The following SRRT variants were observed in gnomAD, a reference collection of about 807,000 sequenced individuals.
SRRT encodes the protein serrate, RNA effector molecule.
Under a neutral mutation model 103.2 loss-of-function variants are expected in SRRT, and 32 were observed. The ratio of observed to expected loss-of-function variants is 0.31; its 90% CI spans 0.23 to 0.42. The LOEUF (loss-of-function observed/expected upper bound fraction) is 0.42, where lower values mean the gene tolerates loss of function less well. SRRT is among the 10% of genes least tolerant of loss of function. The pLI is 1.00. For missense variants in SRRT, 986 were observed against 1,207.5 expected, an observed-to-expected ratio of 0.82 and a Z score of 2.72; for synonymous variants, 525 against 449.0, an observed-to-expected ratio of 1.17 and a Z score of -2.14.
intron 5 of SRRT, among the ~76,000 whole-genome samples, chr7:100,883,267 C>G (rs1789747749): frequency 6.6e-6 from 1 of 152,196 alleles, no homozygotes; most frequent in South Asian, 2.1e-4. Context: ...CACCTTCTTC[C>G]CTGTTGGTTT....
Position 100,884,395 on chromosome 7 carries a change from A to AGAATGATCTT in SRRT, c.786_795dup (p.Arg266GlufsTer2). On this transcript the variant is annotated frameshift_variant, in exon 7 of 20. Transcript: ENST00000611405. LOFTEE classifies it high-confidence loss of function. ...GTGATTAAGATGGAAGGAGGCACGGAGAATGATCTTCGCATCCTGGAGCAG... is the reference window on the plus strand; with the variant it reads ...GTGATTAAGATGGAAGGAGGCACGGAGAATGATCTTGAATGATCTTCGCATCCTGGAGCAG... The AGAATGATCTT allele has an allele frequency of 6.2e-7, 1 of 1,613,700 alleles. No individual in the cohort carries two copies. Among genetic ancestry groups the AGAATGATCTT allele is most frequent in the Non-Finnish European group, 8.5e-7 (1 of 1,179,878 alleles).
Position 100,884,845 on chromosome 7 carries a change from T to C in SRRT, c.1041+7T>C. On this transcript the variant is annotated splice_region_variant and intron_variant, in intron 8 of 19. Coordinates refer to ENST00000611405, the MANE Select transcript of SRRT (RefSeq NM_015908.6). ...CGAGAAGGAAGCCAAAAAGGTGAGGTGTCTGTGGCCTGGGGTCAGAGTGTT... is the reference window on the plus strand; with the variant it reads ...CGAGAAGGAAGCCAAAAAGGTGAGGCGTCTGTGGCCTGGGGTCAGAGTGTT... 6.2e-7 allele frequency: 1 copy of C among 1,612,406 alleles called. No homozygotes were observed. The highest frequency in any genetic ancestry group is 8.5e-7 in the Non-Finnish European group (1 of 1,179,384).
In SRRT at chr7:100,886,806, G is replaced by T; in HGVS notation, c.1659G>T (p.Ser553=). 8.7e-6 allele frequency: 14 copies of T among 1,614,020 alleles called. No homozygotes were observed. Among genetic ancestry groups the T allele is most frequent in the African/African-American group, 1.3e-5 (1 of 74,994 alleles). Residue 553 remains serine, a synonymous_variant, in exon 14 of 20, where the codon TCG becomes TCT. Transcript: ENST00000611405. The stretch of plus-strand genomic sequence containing the variant: ...CTTCCTCCCATCAGAGCCTGCCCTC[G>T]CAAAACCCGATCTTGAAGAATATCA... ...GTPPLPTSLP[S]QNPILKNITD...
intron 2 of SRRT, among the ~76,000 whole-genome samples, chr7:100,876,713 C>G (rs951896653): frequency 3.9e-5 from 6 of 152,050 alleles, no homozygotes; most frequent in African/African-American, 1.4e-4. Flanking sequence ...CATGGGGGAT[C>G]AGAATGGCAG....
chr7:100,880,284 T>C (rs1444399048), intron 2 of SRRT, among the ~76,000 whole-genome samples: 1 of 152,142 alleles, frequency 6.6e-6, no homozygotes, highest in Non-Finnish European at 1.5e-5. Flanking sequence ...AGTGGTGGGA[T>C]GAATAGGCTT....
rs941779851 is a variant in SRRT, at chr7:100,881,340, C to T, written c.178C>T (p.Arg60Trp). 1.4e-5 allele frequency: 22 copies of T among 1,613,522 alleles called. No homozygotes were observed. Among genetic ancestry groups the T allele is most frequent in the Admixed American group, 3.3e-5 (2 of 59,982 alleles). The change falls in exon 3 of 20, where the codon CGG becomes TGG. Residue 60 changes from arginine (R) to tryptophan (W), a missense_variant. By Grantham distance (101) the Arg-to-Trp change is moderately radical. Transcript: ENST00000611405. ...TCGGGGTGAATATCGGGACTATGAC[C>T]GGAATCGGCGAGAGCGCTTCTCGCC... Reference protein sequence around the residue: ...RSRGEYRDYDRNRRERFSPPR... With the variant: ...RSRGEYRDYDWNRRERFSPPR...
intron 4 of SRRT, 97 bp downstream of exon 4, chr7:100,881,902 C>T: frequency 1.3e-6 from 2 of 1,488,478 alleles, no homozygotes; most frequent in South Asian, 2.6e-5. Context: ...GTCAGGCACA[C>T]AGAGGCATGT....
chr7:100,875,681 GAA>G lies in SRRT; in HGVS notation c.93_94del (p.Arg32ThrfsTer8). 6.2e-7 allele frequency: 1 copy of G among 1,614,126 alleles called. No homozygotes were observed. The highest frequency in any genetic ancestry group is 8.5e-7 in the Non-Finnish European group (1 of 1,179,980). ...SDYDRSRERD[E>X]RRRGDDWNDR... ...CTACGACCGTTCCCGCGAGAGAGAT[GAA>G]AGACGTCGAGGGGACGATTGGAATG... On this transcript the variant is annotated frameshift_variant, in exon 2 of 20. Transcript: ENST00000611405. LOFTEE classifies it high-confidence loss of function.
chr7:100,884,515 C>T lies in SRRT; in HGVS notation c.905C>T (p.Thr302Ile), dbSNP rs780280009. The change falls in exon 7 of 20, where the codon ACC (threonine) becomes ATC (isoleucine). Residue 302 changes from threonine (T) to isoleucine (I), a missense_variant. Transcript: ENST00000611405. ...GGCCTAGGGGACGGGGAGCGCAAAA[C>T]CAACGACAAGGATGAGAAGAAGGAA... ...GAGLGDGERKTNDKDEKKEDG... is the reference protein window; with the variant it reads ...GAGLGDGERKINDKDEKKEDG... 3 of 1,612,896 alleles carry T rather than the reference C, an allele frequency of 1.9e-6. No homozygotes were observed. The highest frequency in any genetic ancestry group is 2.5e-6 in the Non-Finnish European group (3 of 1,179,692).
intron 1 of SRRT, 73 bp from the exon 2 acceptor site, chr7:100,875,500 C>G (rs557511623): frequency 4.3e-5 from 68 of 1,581,788 alleles, no homozygotes; most frequent in African/African-American, 1.5e-4. Flanking sequence ...AGCGGGCGAG[C>G]TGCCCGCGAG....
At chr7:100,879,948 A>C (rs1405306046) in intron 2 of SRRT, among the ~76,000 whole-genome samples, 5 of 152,326 alleles carry the variant, frequency 3.3e-5, no homozygotes, top group Non-Finnish European at 5.9e-5. Flanking sequence ...TTAAAACAAT[A>C]GTGTTGCTTA....
In SRRT at chr7:100,887,219, T is replaced by C; in HGVS notation, c.1975+19T>C. 3 of 1,613,908 alleles carry C rather than the reference T, an allele frequency of 1.9e-6. No homozygotes were observed. Among genetic ancestry groups the C allele is most frequent in the Non-Finnish European group, 8.5e-7 (1 of 1,179,830 alleles). On this transcript the variant is annotated intron_variant, in intron 15 of 19. Coordinates refer to ENST00000611405, the MANE Select transcript of SRRT (RefSeq NM_015908.6). This position sits in a 1 kb window ranked among gnomAD's most constrained non-coding sequence, Gnocchi z 4.1. ...GGGGAAGGTGAGCTCCAGGTTCCCC[T>C]TTGTTCCCGGCTGCCCCTGGCCTTG...
rs114922826 is a variant in SRRT at position 100,888,628 on chromosome 7, G to A, written c.*79G>A. The A allele has an allele frequency of 3.0e-5, 48 of 1,577,218 alleles. No individual in the cohort carries two copies. Among genetic ancestry groups the A allele is most frequent in the Middle Eastern group, 1.7e-4 (1 of 6,012 alleles). ...ATGAAGCTCTGAGAATTTTTTGTAC[G>A]ATCAGCCTTACTGCTAATAAAAGCA... is the stretch of plus-strand genomic sequence containing the variant. On this transcript the variant is annotated 3_prime_UTR_variant, in exon 20 of 20. Coordinates refer to ENST00000611405, the MANE Select transcript of SRRT (RefSeq NM_015908.6).
At position 100,886,422 on chromosome 7, in the gene SRRT, C is replaced by T. The variant is rs147945684; in HGVS notation, c.1634C>T (p.Pro545Leu). Residue 545 changes from proline to leucine, a missense_variant, in exon 13 of 20, where the codon CCT becomes CTT. Physicochemically the swap from Pro to Leu is moderately conservative, Grantham distance 98. Transcript: ENST00000611405. Reference sequence around the variant, plus strand: ...CTTTGGGCCTCAGAACCAGGGACGCCTCCCCTGCCCACGGTCAGTGACTCC... The same window carrying T: ...CTTTGGGCCTCAGAACCAGGGACGCTTCCCCTGCCCACGGTCAGTGACTCC... ...TQLWASEPGT[P>L]PLPTSLPSQN... The T allele has an allele frequency of 1.0e-4, 164 of 1,612,184 alleles. No homozygotes were observed. Among genetic ancestry groups the T allele is most frequent in the Non-Finnish European group, 1.3e-4 (154 of 1,179,666 alleles).
chr7:100,888,312 G>A lies in SRRT; in HGVS notation c.2484G>A (p.Pro828=), dbSNP rs148451475. ...PTGGPPYPHA[P]YGAGRGNYDA... is the part of the protein sequence containing the mutation. ...GAGGCCCTCCATACCCCCATGCCCC[G>A]TATGGTGCTGGTCGAGGGAACTATG... Residue 828 remains proline, a synonymous_variant, in exon 19 of 20, where the codon CCG becomes CCA. Transcript: ENST00000611405. 21 of 1,613,964 alleles carry A rather than the reference G, an allele frequency of 1.3e-5. No individual in the cohort carries two copies. The highest frequency in any genetic ancestry group is 1.5e-5 in the Non-Finnish European group (18 of 1,179,958).
chr7:100,875,256 C>T lies in SRRT; in HGVS notation c.-91C>T. The T allele has an allele frequency of 2.0e-6, 1 of 499,480 alleles. No homozygotes were observed. The highest frequency in any genetic ancestry group is 2.9e-6 in the Non-Finnish European group (1 of 343,450). 30.9% of individuals were successfully genotyped at this position (499,480 alleles called of 1,614,324 possible). A position where few individuals can be genotyped will look rare whatever the true frequency, so the allele number is the denominator to read the frequency against. On this transcript the variant is annotated 5_prime_UTR_variant, in exon 1 of 20. Transcript: ENST00000611405. ...CTCGCCCTCCTCGAAGTCCTCGTCG[C>T]GCGCCCGCGACCCAGGTCGCCCTGA...
intron 4 of SRRT, 75 bp from the exon 5 acceptor site, chr7:100,881,978 C>T (rs1431499489): frequency 6.5e-7 from 1 of 1,530,622 alleles, no homozygotes; most frequent in Non-Finnish European, 8.8e-7. Flanking sequence ...AGTAAAGGGG[C>T]CCCAGCTACT....
chr7:100,886,946 A>G lies in SRRT; in HGVS notation c.1799A>G (p.Glu600Gly). ...GGGAACCCGGCAGAGATCAACGTGGAGCGGGATGAGAAGTTGATTAAGGTG... is the reference window on the plus strand; with the variant it reads ...GGGAACCCGGCAGAGATCAACGTGGGGCGGGATGAGAAGTTGATTAAGGTG... ...KEGNPAEINVERDEKLIKVLD... is the reference protein window; with the variant it reads ...KEGNPAEINVGRDEKLIKVLD... The change falls in exon 14 of 20, where the codon GAG becomes GGG. Residue 600 changes from glutamate (E) to glycine (G), a missense_variant. Glu to Gly is a moderately conservative substitution (Grantham distance 98). Around this residue, in one of 6 missense-constraint regions of SRRT, gnomAD observed 349 missense variants for 446.9 expected, o/e 0.78. Coordinates refer to ENST00000611405, the MANE Select transcript of SRRT (RefSeq NM_015908.6). 6.2e-7 allele frequency: 1 copy of G among 1,611,970 alleles called. No individual in the cohort carries two copies. The highest frequency in any genetic ancestry group is 1.1e-5 in the South Asian group (1 of 91,032).
chr7:100,877,124 G>A (rs1295941001), intron 2 of SRRT, among the ~76,000 whole-genome samples: 2 of 150,882 alleles, frequency 1.3e-5, no homozygotes, highest in Admixed American at 1.3e-4. Flanking sequence ...ACAGCAAAGA[G>A]TTAAAAAAAA....
Sources: allele counts gnomAD v4.1 joint callset (sites outside exome capture counted in the v4.1 genomes callset), GRCh38; gene constraint gnomAD v4.1.1; regional missense constraint gnomAD v4.1.1; non-coding constraint Gnocchi (gnomAD v3.1); transcripts MANE v1.5; gene names NCBI Gene and HGNC (gene_info 2026-07-23, HGNC 2026-07-21).